Variants in KCTD14 observed in about 807,000 individuals in gnomAD.
KCTD14 encodes potassium channel tetramerization domain containing 14, also known as BTB/POZ domain-containing protein KCTD14.
A neutral mutation model predicts 5.9 loss-of-function variants in KCTD14; 7 were observed. The observed-to-expected ratio is 1.19, with a 90% confidence interval of 0.68 to 2.23. The LOEUF (loss-of-function observed/expected upper bound fraction) is 2.23. Ranked by LOEUF, KCTD14 falls within the 30% of genes most tolerant of loss-of-function variation. The probability of loss-of-function intolerance (pLI) is 0.00; values close to 1 mark genes in which losing one functional copy is unlikely to be tolerated. For synonymous variants in KCTD14, 140 were observed against 133.1 expected (o/e 1.05, Z -0.36); for missense variants, 342 against 332.2 (o/e 1.03, Z -0.23).
rs1857166193 is a variant in KCTD14 at position 78,016,461 on chromosome 11, A to G, written c.*132T>C. 2 of 727,736 alleles carry G rather than the reference A, an allele frequency of 2.7e-6. No homozygotes were observed. Among genetic ancestry groups the G allele is most frequent in the East Asian group, 5.4e-5 (2 of 36,990 alleles). The allele number at this position is 727,736 out of a possible 1,614,324, so 45.1% of individuals were successfully genotyped here. A position where few individuals can be genotyped will look rare whatever the true frequency, so the allele number is the denominator to read the frequency against. Reference sequence around the variant, plus strand: ...GAAAGTCCTTAAACGAGTGATCAATATTTAGTGGCAAGACTCTAGACCAAC... The same window carrying G: ...GAAAGTCCTTAAACGAGTGATCAATGTTTAGTGGCAAGACTCTAGACCAAC... On this transcript the variant is annotated 3_prime_UTR_variant, in exon 2 of 2. Transcript: ENST00000353172.
At chr11:78,018,427 C>T (rs751435826) in intron 1 of KCTD14, among the ~76,000 whole-genome samples, 1 of 151,928 alleles carries the variant, frequency 6.6e-6, no homozygotes, top group Non-Finnish European at 1.5e-5. Context: ...TAAGTAAAGG[C>T]CGGGCATGGT....
chr11:78,022,404 T>C (rs1413080008), intron 1 of KCTD14, among the ~76,000 whole-genome samples: 2 of 152,078 alleles, frequency 1.3e-5, no homozygotes, highest in African/African-American at 4.8e-5. Context: ...AGTAATTCAT[T>C]CAGGCATTTA....
chr11:78,045,682 T>C (rs1459136849), intron 1 of KCTD14, among the ~76,000 whole-genome samples: 1 of 152,204 alleles, frequency 6.6e-6, no homozygotes, highest in Non-Finnish European at 1.5e-5. Flanking sequence ...CAGATGTCTT[T>C]TGCGGCCCTA....
At chr11:78,027,281 G>A (rs887782299), upstream of KCTD14, among the ~76,000 whole-genome samples, 4 of 151,890 alleles carry the variant, frequency 2.6e-5, no homozygotes, top group East Asian at 3.9e-4. Context: ...GCCTGTAATC[G>A]CAGCACTTTG....
intron 1 of KCTD14, among the ~76,000 whole-genome samples, chr11:78,045,906 C>G (rs1188004440): frequency 1.3e-5 from 2 of 152,114 alleles, no homozygotes; most frequent in Non-Finnish European, 2.9e-5. Flanking sequence ...TCCGAGGCAG[C>G]CTGTGTAGGG....
rs979818772 is a variant in KCTD14 at position 78,016,806 on chromosome 11, G to A, written c.555C>T (p.Val185=). The A allele has an allele frequency of 6.2e-7, 1 of 1,614,098 alleles. No individual in the cohort carries two copies. Among genetic ancestry groups the A allele is most frequent in the Non-Finnish European group, 8.5e-7 (1 of 1,179,980 alleles). The change falls in exon 2 of 2, where the codon GTC becomes GTT. Residue 185 remains valine, a synonymous_variant. Transcript: ENST00000353172. ...TCTTCTTATCCTGCAGAAAACACAGGACCTCTGAATAATATGCATCCTGCT... is the reference window on the plus strand; with the variant it reads ...TCTTCTTATCCTGCAGAAAACACAGAACCTCTGAATAATATGCATCCTGCT... The part of the protein sequence containing the change: ...TEEQDAYYSE[V]LCFLQDKKMF...
upstream of KCTD14, among the ~76,000 whole-genome samples, chr11:78,028,083 TG>T (rs1227995617): frequency 2.6e-5 from 4 of 152,070 alleles, no homozygotes; most frequent in Non-Finnish European, 5.9e-5. Flanking sequence ...TTCAGATGGT[TG>T]GGGGGCTGAG....
chr11:78,024,174 C>G (rs889971259), upstream of KCTD14, among the ~76,000 whole-genome samples: 4 of 151,662 alleles, frequency 2.6e-5, no homozygotes, highest in African/African-American at 9.7e-5. Flanking sequence ...CATTTGAGGT[C>G]AGAAGTTCGA....
chr11:78,019,750 G>A (rs1857263905), intron 1 of KCTD14, among the ~76,000 whole-genome samples: 2 of 152,330 alleles, frequency 1.3e-5, no homozygotes, highest in South Asian at 2.1e-4. Flanking sequence ...CACAAACTGC[G>A]AAGTGCAGTG....
chr11:78,034,276 C>G (rs918440048), intron 2 of KCTD14, among the ~76,000 whole-genome samples: 3 of 152,148 alleles, frequency 2.0e-5, no homozygotes, highest in African/African-American at 4.8e-5. Context: ...GTGCATAGCA[C>G]CATGCCTGGC....
intron 1 of KCTD14, among the ~76,000 whole-genome samples, chr11:78,021,297 C>CAAAAAA (rs531185817): frequency 1.2e-5 from 1 of 85,188 alleles, no homozygotes; most frequent in Admixed American, 1.3e-4. Context: ...GACCCTGTCT[C>CAAAAAA]AAAAAAAAAA....
At chr11:78,033,063 G>A (rs1857673983) in intron 2 of KCTD14, among the ~76,000 whole-genome samples, 1 of 152,134 alleles carries the variant, frequency 6.6e-6, no homozygotes, top group Non-Finnish European at 1.5e-5. Flanking sequence ...GGAGGGAAGA[G>A]TTGGGCTTGA....
upstream of KCTD14, among the ~76,000 whole-genome samples, chr11:78,027,042 T>C (rs532797311): frequency 6.6e-6 from 1 of 152,010 alleles, no homozygotes; most frequent in Non-Finnish European, 1.5e-5. Context: ...GAGGTTGCAG[T>C]GAGCCGAGAT....
chr11:78,023,044 A>G, intron 1 of KCTD14, 116 bp downstream of exon 1: 2 of 693,494 alleles, frequency 2.9e-6, no homozygotes, highest in South Asian at 3.5e-5. Context: ...AGCGCGCCAG[A>G]AGCAGGGGGC....
chr11:78,043,605 CT>C (rs1445838902), intron 1 of KCTD14, among the ~76,000 whole-genome samples: 3 of 152,296 alleles, frequency 2.0e-5, no homozygotes, highest in African/African-American at 7.2e-5. Context: ...GAGGGGCCCC[CT>C]GAACCAGCTC....
chr11:78,039,515 C>T (rs548257552), intron 1 of KCTD14, among the ~76,000 whole-genome samples: 24 of 146,954 alleles, frequency 1.6e-4, no homozygotes, highest in South Asian at 1.1e-3. Context: ...GGTGACAGAG[C>T]AAGACTCTGT....
At chr11:78,033,845 C>CA (rs60386490) in intron 2 of KCTD14, among the ~76,000 whole-genome samples, 40 of 133,450 alleles carry the variant, frequency 3.0e-4, no homozygotes, top group African/African-American at 4.5e-4. Flanking sequence ...GACTCCATCT[C>CA]AAAAAAAAAA....
intron 2 of KCTD14, among the ~76,000 whole-genome samples, chr11:78,031,087 A>G (rs1857600484): frequency 1.4e-5 from 2 of 141,818 alleles, no homozygotes; most frequent in African/African-American, 5.3e-5. Flanking sequence ...TCACTCTGTC[A>G]CCCAGACTCT....
At chr11:78,024,020 T>C (rs573781792), upstream of KCTD14, among the ~76,000 whole-genome samples, 1 of 152,268 alleles carries the variant, frequency 6.6e-6, no homozygotes, top group Admixed American at 6.5e-5. Flanking sequence ...GAACACCAGA[T>C]GGAAAGAGGT....
Sources: gnomAD v4.1 joint callset for allele counts (sites outside exome capture counted in the v4.1 genomes callset) on GRCh38, gnomAD v4.1.1 for gene constraint, MANE v1.5 for transcripts, NCBI Gene and HGNC (gene_info 2026-07-23, HGNC 2026-07-21) for gene names.